The following PPP6R1 variants were observed in gnomAD, a reference collection of about 807,000 sequenced individuals.
The protein encoded by PPP6R1 is serine/threonine-protein phosphatase 6 regulatory subunit 1.
Under a neutral mutation model 104.6 loss-of-function variants are expected in PPP6R1, and 39 were observed. The ratio of observed to expected loss-of-function variants is 0.37; its 90% confidence interval spans 0.29 to 0.49. PPP6R1 has a LOEUF of 0.49. PPP6R1 is among the 20% of genes least tolerant of loss of function. The pLI is 0.98. For synonymous variants in PPP6R1, 549 were observed against 479.0 expected (o/e 1.15, Z -1.91); for missense variants, 1,181 against 1,155.8 (o/e 1.02, Z -0.32).
intron 1 of PPP6R1, among the ~76,000 whole-genome samples, chr19:55,256,254 C>T (rs1470285814): frequency 2.0e-5 from 3 of 152,234 alleles, no homozygotes; most frequent in African/African-American, 4.8e-5. Context: ...AACGACACAC[C>T]ATACCCCAGC....
rs375651635 is a variant in PPP6R1, at chr19:55,230,825, G to A, written c.2519C>T (p.Thr840Ile). The A allele has an allele frequency of 1.1e-5, 17 of 1,605,784 alleles. No individual in the cohort carries two copies. In the African/African-American group the frequency reaches 1.7e-4, roughly 16 times the overall value. Reference sequence around the variant, plus strand: ...CTCTGGGCTCTTCTCCCCTTCTGTGGTCTGGGGGGGCTGGTGGGCCCCGGA... The same window carrying A: ...CTCTGGGCTCTTCTCCCCTTCTGTGATCTGGGGGGGCTGGTGGGCCCCGGA... ...PASGAHQPPQ[T>I]TEGEKSPEPL... The change falls in exon 22 of 24, where the codon ACC becomes ATC. Residue 840 changes from threonine to isoleucine, a missense_variant. Transcript: ENST00000412770.
intron 1 of PPP6R1, 50 bp from the exon 2 acceptor site, chr19:55,247,159 C>T (rs1015524988): frequency 6.4e-7 from 1 of 1,569,582 alleles, no homozygotes; most frequent in Non-Finnish European, 8.7e-7. Flanking sequence ...CAGGGAGTCC[C>T]CACTGGACGA....
At chr19:55,252,946 A>G (rs1005791201) in intron 1 of PPP6R1, among the ~76,000 whole-genome samples, 7 of 151,962 alleles carry the variant, frequency 4.6e-5, no homozygotes, top group African/African-American at 1.7e-4. Flanking sequence ...AGCCAGGGCC[A>G]GGCTCAGGCC....
chr19:55,240,616 C>G (rs1170006395), intron 10 of PPP6R1, among the ~76,000 whole-genome samples: 2 of 147,924 alleles, frequency 1.4e-5, no homozygotes, highest in Non-Finnish European at 3.0e-5. Flanking sequence ...CTCGTGTGCA[C>G]TCACACACAT....
At chr19:55,231,151 G>A (rs1378014562) in intron 21 of PPP6R1, among the ~76,000 whole-genome samples, 1 of 152,112 alleles carries the variant, frequency 6.6e-6, no homozygotes, top group African/African-American at 2.4e-5. Context: ...TCTTCTGCAT[G>A]CTCTCACCCT....
In PPP6R1 at chr19:55,230,475, C is replaced by T. The variant is rs557169590; in HGVS notation, c.*53G>A. On this transcript the variant is annotated 3_prime_UTR_variant, in exon 24 of 24. Transcript: ENST00000412770. ...CGTGGGACCCGCCCTGCCCCCACCC[C>T]GGGAGATCCACGGGAGGACGGAAGA... 277 of 1,611,150 alleles carry T rather than the reference C, an allele frequency of 1.7e-4. 1 individual carries two copies. The highest frequency in any genetic ancestry group is 5.4e-4 in the Middle Eastern group (3 of 5,590).
chr19:55,228,883 C>CA, downstream of PPP6R1: 3 of 857,210 alleles, frequency 3.5e-6, no homozygotes, highest in Non-Finnish European at 5.6e-6. Context: ...AGATGTTGTC[C>CA]TCACCCTGGG....
Position 55,241,307 on chromosome 19 carries a change from C to T in PPP6R1, c.1093G>A (p.Ala365Thr), listed in dbSNP as rs774669037. 1 of 1,611,678 alleles carries T rather than the reference C, an allele frequency of 6.2e-7. No homozygotes were observed. Among genetic ancestry groups the T allele is most frequent in the Middle Eastern group, 1.7e-4 (1 of 6,056 alleles). Residue 365 changes from alanine (A) to threonine (T), a missense_variant, in exon 9 of 24, where the codon GCC becomes ACC. Coordinates refer to ENST00000412770, the MANE Select transcript of PPP6R1 (RefSeq NM_014931.4). The surrounding 1 kb of genome is among the most constrained non-coding windows in gnomAD (Gnocchi z 5.4). ...AGGGCTGCATCATTGGCGCTCAGGGCACTGGCCAGGAGCTTGACCACGTGC... is the reference window on the plus strand; with the variant it reads ...AGGGCTGCATCATTGGCGCTCAGGGTACTGGCCAGGAGCTTGACCACGTGC... ...RLHVVKLLAS[A>T]LSANDAALTH...
chr19:55,228,490 G>A, downstream of PPP6R1: 1 of 1,598,900 alleles, frequency 6.3e-7, no homozygotes, highest in South Asian at 1.1e-5. Flanking sequence ...CCCCATTCTT[G>A]GGACTCAGAT....
chr19:55,236,677 T>C lies in PPP6R1; in HGVS notation c.1954A>G (p.Arg652Gly). The change falls in exon 17 of 24, where the codon AGG becomes GGG. Residue 652 changes from arginine to glycine, a missense_variant. This residue lies in a region of PPP6R1 where 1,042 missense variants were observed against 955.6 expected (regional missense o/e 1.09). Coordinates refer to ENST00000412770, the MANE Select transcript of PPP6R1 (RefSeq NM_014931.4). ...DGAWQGSQLA[R>G]GARLGQPPGV... The stretch of plus-strand genomic sequence containing the variant: ...GGTGGCTGGCCCAGACGGGCCCCCC[T>C]GGCCAGCTGGCTGCCCTGCCAGGCG... 6.3e-7 allele frequency: 1 copy of C among 1,599,868 alleles called. No individual in the cohort carries two copies.
At chr19:55,252,366 A>G (rs1036704056) in intron 1 of PPP6R1, among the ~76,000 whole-genome samples, 4 of 148,198 alleles carry the variant, frequency 2.7e-5, no homozygotes, top group Non-Finnish European at 4.5e-5. Context: ...AGTAGTGGGG[A>G]CTACAGGTGC....
At chr19:55,244,498 G>A (rs1002342819) in intron 5 of PPP6R1, among the ~76,000 whole-genome samples, 8 of 152,220 alleles carry the variant, frequency 5.3e-5, no homozygotes, top group African/African-American at 1.9e-4. Context: ...GGAAAAAGCT[G>A]CCAGGCCCAG....
chr19:55,230,786 G>A lies in PPP6R1; in HGVS notation c.2558C>T (p.Pro853Leu), dbSNP rs750291752. The A allele has an allele frequency of 5.7e-6, 9 of 1,581,966 alleles. No homozygotes were observed. Among genetic ancestry groups the A allele is most frequent in the Non-Finnish European group, 7.7e-6 (9 of 1,170,056 alleles). The change falls in exon 22 of 24, where the codon CCC becomes CTC. Residue 853 changes from proline (P) to leucine (L), a missense_variant. Pro to Leu is a moderately conservative substitution (Grantham distance 98). Transcript: ENST00000412770. ...GEKSPEPLGL[P>L]QSQSAQALTP... ...CCCTGGTGCTCACCTCTGGCTTTGG[G>A]GAAGCCCCAAGGGCTCTGGGCTCTT...
Position 55,236,667 on chromosome 19 carries a change from C to A in PPP6R1, c.1964G>T (p.Arg655Leu). ...WQGSQLARGA[R>L]LGQPPGVRSG... ...CCGGACACCAGGTGGCTGGCCCAGA[C>A]GGGCCCCCCTGGCCAGCTGGCTGCC... Residue 655 changes from arginine (R) to leucine (L), a missense_variant, in exon 17 of 24, where the codon CGT (arginine) becomes CTT (leucine). By Grantham distance (102) the Arg-to-Leu change is moderately radical. Coordinates refer to ENST00000412770, the MANE Select transcript of PPP6R1 (RefSeq NM_014931.4). The A allele has an allele frequency of 6.3e-7, 1 of 1,585,526 alleles. No homozygotes were observed.
At position 55,241,105 on chromosome 19, in the gene PPP6R1, C is replaced by T; in HGVS notation, c.1162-26G>A. On this transcript the variant is annotated intron_variant, in intron 9 of 23. Transcript: ENST00000412770. This position sits in a 1 kb window ranked among gnomAD's most constrained non-coding sequence, Gnocchi z 5.4. Reference sequence around the variant, plus strand: ...CTATGGGAGGACACAGGATTGGTACCAGAGAGGCCCCGCCCCAGCCGAGCC... The same window carrying T: ...CTATGGGAGGACACAGGATTGGTACTAGAGAGGCCCCGCCCCAGCCGAGCC... The T allele has an allele frequency of 6.5e-7, 1 of 1,546,592 alleles. No individual in the cohort carries two copies. The highest frequency in any genetic ancestry group is 8.7e-7 in the Non-Finnish European group (1 of 1,145,858).
intron 1 of PPP6R1, among the ~76,000 whole-genome samples, chr19:55,258,021 G>A (rs2087607286): frequency 6.6e-6 from 1 of 152,258 alleles, no homozygotes; most frequent in African/African-American, 2.4e-5. Context: ...CACGGAAGAG[G>A]TGGCGGGGCA....
At position 55,245,216 on chromosome 19, in the gene PPP6R1, T is replaced by A. The variant is rs1220485630; in HGVS notation, c.553-31A>T. 3.1e-6 allele frequency: 5 copies of A among 1,608,090 alleles called. No homozygotes were observed. In the African/African-American group the frequency reaches 4.0e-5, roughly 13 times the overall value. Reference sequence around the variant, plus strand: ...GGTGAGAAGGCGAGGGATGCATCGCTGTCCACCACGCCCAGCCCCCCACCC... The same window carrying A: ...GGTGAGAAGGCGAGGGATGCATCGCAGTCCACCACGCCCAGCCCCCCACCC... On this transcript the variant is annotated intron_variant, in intron 4 of 23. Coordinates refer to ENST00000412770, the MANE Select transcript of PPP6R1 (RefSeq NM_014931.4). The surrounding 1 kb of genome is among the most constrained non-coding windows in gnomAD (Gnocchi z 6.4).
rs755006742 is a variant in PPP6R1, at chr19:55,231,649, G to A, written c.2326C>T (p.Pro776Ser). ...LQLRSQDPTP[P>S]SAPQEATEGS... ...TCTGTGGCTTCCTGAGGTGCTGAGG[G>A]GGGTGTGGGGTCCTGAGACCTGGTA... Residue 776 changes from proline (P) to serine (S), a missense_variant, in exon 20 of 24, where the codon CCC (proline) becomes TCC (serine). Physicochemically the swap from Pro to Ser is moderately conservative, Grantham distance 74. Transcript: ENST00000412770. The A allele has an allele frequency of 5.0e-6, 8 of 1,610,042 alleles. No individual in the cohort carries two copies. Among genetic ancestry groups the A allele is most frequent in the Non-Finnish European group, 6.8e-6 (8 of 1,178,022 alleles).
Position 55,241,338 on chromosome 19 carries a change from C to T in PPP6R1, c.1062G>A (p.Thr354=), listed in dbSNP as rs375063695. The T allele has an allele frequency of 1.4e-4, 232 of 1,611,902 alleles. No homozygotes were observed. In the African/African-American group the frequency reaches 2.3e-3, roughly 16 times the overall value. ...CCAGGAGCTTGACCACGTGCAGCCG[C>T]GTGTTGCCCAGAGGCGGAGCCAGCA... ...WGMLAPPLGN[T]RLHVVKLLAS... is the part of the protein sequence containing the mutation. The change falls in exon 9 of 24, where the codon ACG becomes ACA. Residue 354 remains threonine, a synonymous_variant. Coordinates refer to ENST00000412770, the MANE Select transcript of PPP6R1 (RefSeq NM_014931.4). The surrounding 1 kb of genome is among the most constrained non-coding windows in gnomAD (Gnocchi z 5.4).
Sources: allele counts gnomAD v4.1 joint callset (sites outside exome capture counted in the v4.1 genomes callset), GRCh38; gene constraint gnomAD v4.1.1; regional missense constraint gnomAD v4.1.1; non-coding constraint Gnocchi (gnomAD v3.1); transcripts MANE v1.5; gene names NCBI Gene and HGNC (gene_info 2026-07-23, HGNC 2026-07-21).